CARD8: variants seen among roughly 807,000 people sequenced by gnomAD.
CARD8 encodes the protein caspase recruitment domain family member 8, also known as caspase recruitment domain-containing protein 8.
CARD8 carries 38 observed loss-of-function variants against 53.2 expected under a neutral mutation model. The ratio of observed to expected loss-of-function variants is 0.71; its 90% CI spans 0.55 to 0.94. The LOEUF (loss-of-function observed/expected upper bound fraction) is 0.94, where lower values mean the gene tolerates loss of function less well. Among genes scored for constraint, CARD8 ranks in the 40% least tolerant of loss-of-function variants. CARD8 has a pLI of 0.00. For synonymous variants in CARD8, 245 were observed against 244.9 expected (o/e 1.00, Z 0.00); for missense variants, 561 against 655.5 (o/e 0.86, Z 1.57).
chr19:48,205,363 G>A (rs1051979460), downstream of CARD8, among the ~76,000 whole-genome samples: 3 of 151,970 alleles, frequency 2.0e-5, no homozygotes, highest in African/African-American at 7.3e-5. Flanking sequence ...CCGAGTAGCT[G>A]GGATTACAGG....
intron 10 of CARD8, among the ~76,000 whole-genome samples, chr19:48,227,553 C>T (rs1228043354): frequency 6.6e-6 from 1 of 151,914 alleles, no homozygotes; most frequent in African/African-American, 2.4e-5. Context: ...GCTTGTAATC[C>T]CAACACTTTG....
chr19:48,227,084 T>C, intron 10 of CARD8, among the ~76,000 whole-genome samples: 1 of 121,576 alleles, frequency 8.2e-6, no homozygotes, highest in Non-Finnish European at 1.7e-5. Context: ...CAAGACTCCG[T>C]CTCAAAAAAA....
At chr19:48,218,350 CTTCTT>C (rs2039767433) in intron 12 of CARD8, among the ~76,000 whole-genome samples, 2 of 122,168 alleles carry the variant, frequency 1.6e-5, no homozygotes, top group African/African-American at 6.1e-5. Context: ...TATTTATCTT[CTTCTT>C]TTTTTTTTTT....
intron 10 of CARD8, among the ~76,000 whole-genome samples, chr19:48,224,633 G>C (rs1245317815): frequency 6.6e-6 from 1 of 152,074 alleles, no homozygotes. Flanking sequence ...TTGAAGTGAA[G>C]AAGAGGTTTC....
intron 7 of CARD8, 53 bp from the exon 8 acceptor site, chr19:48,231,863 C>T (rs1452489029): frequency 6.5e-7 from 1 of 1,547,510 alleles, no homozygotes; most frequent in Admixed American, 1.7e-5. Context: ...AGAGGCATGG[C>T]CTGAAGGACT....
intron 3 of CARD8, among the ~76,000 whole-genome samples, chr19:48,245,465 A>G (rs534014052): frequency 6.6e-6 from 1 of 152,138 alleles, no homozygotes; most frequent in Admixed American, 6.5e-5. Flanking sequence ...CGCCCACCTC[A>G]GCCTCCCAAA....
At chr19:48,216,970 G>C (rs1444525155) in intron 12 of CARD8, among the ~76,000 whole-genome samples, 1 of 151,830 alleles carries the variant, frequency 6.6e-6, no homozygotes, top group Non-Finnish European at 1.5e-5. Context: ...GCAACTAGGT[G>C]GTCCCATCTC....
chr19:48,203,859 C>T, downstream of CARD8: 1 of 246,216 alleles, frequency 4.1e-6, no homozygotes, highest in Non-Finnish European at 8.3e-6. Context: ...GCCAGCTCAC[C>T]CATTGGCCAC....
At chr19:48,248,969 G>A (rs564930061) in intron 3 of CARD8, among the ~76,000 whole-genome samples, 152 of 152,296 alleles carry the variant, frequency 1.0e-3, no homozygotes, top group Non-Finnish European at 1.0e-3. Context: ...AGGCCGAGGC[G>A]GGCGGATCAC....
chr19:48,216,477 T>C (rs1378306991), intron 12 of CARD8, among the ~76,000 whole-genome samples: 1 of 152,176 alleles, frequency 6.6e-6, no homozygotes, highest in Non-Finnish European at 1.5e-5. Flanking sequence ...GGTGCACTCA[T>C]GAGATGCTAC....
At chr19:48,235,051 G>A (rs2043631222) in intron 5 of CARD8, among the ~76,000 whole-genome samples, 1 of 152,040 alleles carries the variant, frequency 6.6e-6, no homozygotes, top group Non-Finnish European at 1.5e-5. Flanking sequence ...CCTTCTGCCT[G>A]CAAATGGTGA....
chr19:48,243,069 T>C (rs2892051), intron 3 of CARD8, among the ~76,000 whole-genome samples: 151,543 of 152,340 alleles, frequency 0.99, 75,377 homozygotes, highest in Middle Eastern at 1. Context: ...ATACAAATCA[T>C]TAATTTGTAA....
At position 48,218,973 on chromosome 19, in the gene CARD8, G is replaced by A. The variant is rs2039946155; in HGVS notation, c.1201C>T (p.His401Tyr). The A allele has an allele frequency of 6.2e-7, 1 of 1,613,550 alleles. No homozygotes were observed. Among genetic ancestry groups the A allele is most frequent in the African/African-American group, 1.3e-5 (1 of 74,878 alleles). ...LSYRSPGEIQ[H>Y]FSKFYAGQMK... ...TGCCCAGCATAGAATTTTGAGAAGT[G>A]CTGAATTTCTCCAGGGCTCCTGTAG... The change falls in exon 12 of 14, where the codon CAC becomes TAC. Residue 401 changes from histidine to tyrosine, a missense_variant. Transcript: ENST00000651546.
intron 3 of CARD8, among the ~76,000 whole-genome samples, chr19:48,242,831 T>C (rs894220975): frequency 1.3e-5 from 2 of 152,152 alleles, no homozygotes; most frequent in African/African-American, 4.8e-5. Context: ...CGGCAGCACA[T>C]ATACCAAAGC....
At chr19:48,254,227 C>T (rs1208699481) in intron 1 of CARD8, among the ~76,000 whole-genome samples, 1 of 151,862 alleles carries the variant, frequency 6.6e-6, no homozygotes, top group Non-Finnish European at 1.5e-5. Flanking sequence ...TTGCAAGATC[C>T]CATCCCCCAA....
chr19:48,241,016 T>C lies in CARD8; in HGVS notation c.5A>G (p.Glu2Gly). 6.5e-7 allele frequency: 1 copy of C among 1,535,918 alleles called. No individual in the cohort carries two copies. Among genetic ancestry groups the C allele is most frequent in the Non-Finnish European group, 8.7e-7 (1 of 1,146,606 alleles). Residue 2 changes from glutamate (E) to glycine (G), a missense_variant, in exon 4 of 14, where the codon GAA (glutamate) becomes GGA (glycine). Glu to Gly is a moderately conservative substitution (Grantham distance 98). Coordinates refer to ENST00000651546, the MANE Select transcript of CARD8 (RefSeq NM_001184900.3). ...ACTCTTTTCTGGACACTCCTTTTTT[T>C]CCATTTGTCAAATGTGGTATTTATG... is the stretch of plus-strand genomic sequence containing the variant. M[E>G]KKECPEKSSS...
downstream of CARD8, among the ~76,000 whole-genome samples, chr19:48,206,086 C>T (rs553881429): frequency 1.5e-4 from 22 of 151,380 alleles, no homozygotes; most frequent in African/African-American, 4.4e-4. Context: ...TCAGTAGAGA[C>T]GAGGTTTCAC....
At chr19:48,242,811 G>A (rs1300434183) in intron 3 of CARD8, among the ~76,000 whole-genome samples, 4 of 151,898 alleles carry the variant, frequency 2.6e-5, no homozygotes, top group African/African-American at 7.3e-5. Context: ...GCCAATTTCC[G>A]TGCTCGCTTC....
chr19:48,246,630 T>G (rs2046166014), intron 3 of CARD8, among the ~76,000 whole-genome samples: 1 of 149,922 alleles, frequency 6.7e-6, no homozygotes, highest in Non-Finnish European at 1.5e-5. Context: ...AAAAAAAACA[T>G]TGCTCTAGAA....
Sources: allele counts gnomAD v4.1 joint callset (sites outside exome capture counted in the v4.1 genomes callset), GRCh38; gene constraint gnomAD v4.1.1; transcripts MANE v1.5; gene names NCBI Gene and HGNC (gene_info 2026-07-23, HGNC 2026-07-21).